Variants in LSM14A observed in about 807,000 individuals in gnomAD.
LSM14A encodes the protein LSM14A mRNA processing body assembly factor.
In LSM14A, 14 loss-of-function variants were observed where a neutral mutation model predicts 52.4. That is an observed-to-expected ratio of 0.27 (90% CI 0.18 to 0.42). The LOEUF is 0.42. Ranked by LOEUF, LSM14A falls within the 10% of genes least tolerant of loss-of-function variation. LSM14A has a pLI of 1.00. For synonymous variants in LSM14A, 185 were observed against 200.3 expected, an observed-to-expected ratio of 0.92 and a Z score of 0.64; for missense variants, 417 against 581.8, an observed-to-expected ratio of 0.72 and a Z score of 2.91.
intron 1 of LSM14A, among the ~76,000 whole-genome samples, chr19:34,190,356 A>G (rs761947742): frequency 4.6e-5 from 7 of 151,912 alleles, no homozygotes; most frequent in Non-Finnish European, 8.8e-5. Context: ...TGTGATTTCT[A>G]TTTTCATGCT....
intron 9 of LSM14A, among the ~76,000 whole-genome samples, chr19:34,224,726 C>T (rs1173158518): frequency 6.6e-6 from 1 of 152,236 alleles, no homozygotes; most frequent in African/African-American, 2.4e-5. Context: ...CAAGCTGCCT[C>T]ATGGTTATCT....
chr19:34,186,914 A>G (rs1750911073), intron 1 of LSM14A, among the ~76,000 whole-genome samples: 1 of 152,076 alleles, frequency 6.6e-6, no homozygotes, highest in Admixed American at 6.6e-5. Context: ...AGTTAACATT[A>G]GAGTCTAATT....
chr19:34,182,681 C>CAA (rs74177115), intron 1 of LSM14A, among the ~76,000 whole-genome samples: 148 of 108,772 alleles, frequency 1.4e-3, no homozygotes, highest in Middle Eastern at 4.8e-3. Flanking sequence ...ACTAAAAATA[C>CAA]AAAAAAAAAA....
At chr19:34,220,001 ACT>A (rs2072944107) in intron 8 of LSM14A, 124 bp downstream of exon 8, 1 of 714,256 alleles carries the variant, frequency 1.4e-6, no homozygotes, top group Admixed American at 2.8e-5. Flanking sequence ...AGACAGTCTT[ACT>A]CTGTTACTCA....
At position 34,221,586 on chromosome 19, in the gene LSM14A, C is replaced by G. The variant is rs375364443; in HGVS notation, c.1216C>G (p.Arg406Gly). 1 of 1,614,040 alleles carries G rather than the reference C, an allele frequency of 6.2e-7. No homozygotes were observed. The highest frequency in any genetic ancestry group is 8.5e-7 in the Non-Finnish European group (1 of 1,180,018). ...FGIPLRPNRG[R>G]GGYRGRGGLG... ...AATCCCACTTCGTCCAAACCGTGGCCGTGGGGGATACAGAGGCAGAGGAGG... is the reference window on the plus strand; with the variant it reads ...AATCCCACTTCGTCCAAACCGTGGCGGTGGGGGATACAGAGGCAGAGGAGG... Residue 406 changes from arginine to glycine, a missense_variant, in exon 9 of 10, where the codon CGT becomes GGT. By Grantham distance (125) the Arg-to-Gly change is moderately radical. Coordinates refer to ENST00000544216, the MANE Select transcript of LSM14A (RefSeq NM_015578.4).
intron 9 of LSM14A, 55 bp from the exon 10 acceptor site, chr19:34,227,308 AAG>A (rs2073393204): frequency 8.2e-7 from 1 of 1,214,248 alleles, no homozygotes; most frequent in Non-Finnish European, 1.2e-6. Context: ...GCAAAGTAAA[AAG>A]AAAATAATAC....
intron 9 of LSM14A, among the ~76,000 whole-genome samples, chr19:34,225,842 G>A (rs1324060435): frequency 6.6e-6 from 1 of 152,112 alleles, no homozygotes; most frequent in Non-Finnish European, 1.5e-5. Flanking sequence ...GGGCAGGATT[G>A]CTTAAGCCCA....
intron 1 of LSM14A, among the ~76,000 whole-genome samples, chr19:34,181,086 G>T (rs1308502696): frequency 6.6e-6 from 1 of 152,118 alleles, no homozygotes; most frequent in African/African-American, 2.4e-5. Context: ...AGACTTCTAT[G>T]TTTTTTTCTG....
chr19:34,206,439 C>T (rs544793093), intron 3 of LSM14A, among the ~76,000 whole-genome samples: 13 of 151,404 alleles, frequency 8.6e-5, no homozygotes, highest in African/African-American at 2.7e-4. Flanking sequence ...GAGGCCGAGG[C>T]GGGCAGATCA....
chr19:34,208,887 A>G (rs1174270390), intron 3 of LSM14A, 42 bp from the exon 4 acceptor site: 2 of 1,438,768 alleles, frequency 1.4e-6, no homozygotes, highest in Admixed American at 2.4e-5. Flanking sequence ...AATGTCAAAC[A>G]TTTTTTAAAA....
At chr19:34,227,051 G>A (rs1222098525) in intron 9 of LSM14A, among the ~76,000 whole-genome samples, 1 of 152,144 alleles carries the variant, frequency 6.6e-6, no homozygotes, top group Non-Finnish European at 1.5e-5. Flanking sequence ...TGAGTTGAGG[G>A]TTTAAGTCCT....
intron 4 of LSM14A, among the ~76,000 whole-genome samples, chr19:34,213,711 T>C (rs2072339366): frequency 6.6e-6 from 1 of 152,244 alleles, no homozygotes; most frequent in African/African-American, 2.4e-5. Context: ...CAGTTCATGC[T>C]GTGACCAGGC....
intron 3 of LSM14A, among the ~76,000 whole-genome samples, chr19:34,204,046 G>C (rs1012812981): frequency 3.3e-5 from 5 of 152,122 alleles, no homozygotes; most frequent in African/African-American, 1.2e-4. Context: ...AGACAAAGGA[G>C]CTTAAAGATC....
chr19:34,222,091 T>C (rs1026226055), intron 9 of LSM14A, among the ~76,000 whole-genome samples: 2 of 152,218 alleles, frequency 1.3e-5, no homozygotes, highest in East Asian at 3.8e-4. Flanking sequence ...AAATATTTTT[T>C]TACATATTAA....
intron 1 of LSM14A, among the ~76,000 whole-genome samples, chr19:34,188,832 T>A (rs1156489460): frequency 6.6e-6 from 1 of 151,180 alleles, no homozygotes; most frequent in East Asian, 1.9e-4. Flanking sequence ...TATTTTTAAA[T>A]ATATATATCA....
At position 34,215,588 on chromosome 19, in the gene LSM14A, T is replaced by C; in HGVS notation, c.716-8T>C. 1.2e-6 allele frequency: 2 copies of C among 1,609,630 alleles called. No individual in the cohort carries two copies. The highest frequency in any genetic ancestry group is 2.7e-5 in the African/African-American group (2 of 74,880). ...TTGATTTGGCACTTTGCATGTCTTCTTCTGTAGCTGAAGTACACAAAGTTT... is the reference window on the plus strand; with the variant it reads ...TTGATTTGGCACTTTGCATGTCTTCCTCTGTAGCTGAAGTACACAAAGTTT... On this transcript the variant is annotated splice_region_variant and splice_polypyrimidine_tract_variant and intron_variant, in intron 5 of 9. Coordinates refer to ENST00000544216, the MANE Select transcript of LSM14A (RefSeq NM_015578.4).
At chr19:34,225,532 G>A (rs2073295938) in intron 9 of LSM14A, among the ~76,000 whole-genome samples, 1 of 152,158 alleles carries the variant, frequency 6.6e-6, no homozygotes, top group Non-Finnish European at 1.5e-5. Flanking sequence ...GAGTCATTGT[G>A]GTTTGGGGGT....
intron 6 of LSM14A, among the ~76,000 whole-genome samples, chr19:34,216,188 C>T (rs893924707): frequency 2.0e-5 from 3 of 152,008 alleles, no homozygotes; most frequent in South Asian, 2.1e-4. Context: ...CCGGGGCGGG[C>T]GGATCACGAG....
At chr19:34,176,532 A>C (rs1442157299) in intron 1 of LSM14A, among the ~76,000 whole-genome samples, 1 of 152,216 alleles carries the variant, frequency 6.6e-6, no homozygotes, top group African/African-American at 2.4e-5. Flanking sequence ...ATATAAGTTT[A>C]CATCTCTAAA....
Sources: allele counts gnomAD v4.1 joint callset (sites outside exome capture counted in the v4.1 genomes callset), GRCh38; gene constraint gnomAD v4.1.1; transcripts MANE v1.5; gene names NCBI Gene and HGNC (gene_info 2026-07-23, HGNC 2026-07-21).